The following ARVCF variants were observed in gnomAD, a reference collection of about 807,000 sequenced individuals.
The protein encoded by ARVCF is splicing regulator ARVCF.
ARVCF carries 66 observed loss-of-function variants against 90.9 expected under a neutral mutation model. The observed-to-expected ratio is 0.73, with a 90% confidence interval of 0.60 to 0.89. The LOEUF (loss-of-function observed/expected upper bound fraction) is 0.89. Among genes scored for constraint, ARVCF ranks in the 40% least tolerant of loss-of-function variants. The probability of loss-of-function intolerance (pLI) is 0.00; values close to 1 mark genes in which losing one functional copy is unlikely to be tolerated. For missense variants in ARVCF, 1,469 were observed against 1,382.3 expected, an observed-to-expected ratio of 1.06 and a Z score of -1.00; for synonymous variants, 653 against 603.4, an observed-to-expected ratio of 1.08 and a Z score of -1.21.
intron 2 of ARVCF, 76 bp from the exon 3 acceptor site, chr22:19,990,888 A>C (rs950034625): frequency 7.1e-7 from 1 of 1,409,316 alleles, no homozygotes; most frequent in African/African-American, 1.4e-5. Flanking sequence ...TGCCCGCCCC[A>C]CTCACAGACC....
chr22:19,968,268 T>C (rs2146196581), downstream of ARVCF, among the ~76,000 whole-genome samples: 1 of 152,258 alleles, frequency 6.6e-6, no homozygotes, highest in South Asian at 2.1e-4. Context: ...CACATGCTGT[T>C]CTAAGGGATG....
intron 7 of ARVCF, 35 bp downstream of exon 7, chr22:19,978,862 T>A (rs1943313917): frequency 6.3e-7 from 1 of 1,585,736 alleles, no homozygotes. Flanking sequence ...GGGCCTGGTG[T>A]GCATGTGGGC....
chr22:20,016,055 T>A (rs1016793505), intron 1 of ARVCF, among the ~76,000 whole-genome samples: 1 of 151,230 alleles, frequency 6.6e-6, no homozygotes, highest in Non-Finnish European at 1.5e-5. Flanking sequence ...AGGCCGGGGG[T>A]CCGGGTGGCG....
rs1971324983 is a variant in ARVCF at position 19,970,400 on chromosome 22, C to CA, written c.*355dup. 1 of 1,050,802 alleles carries CA rather than the reference C, an allele frequency of 9.5e-7. No homozygotes were observed. Among genetic ancestry groups the CA allele is most frequent in the African/African-American group, 1.7e-5 (1 of 58,582 alleles). 65.1% of individuals were successfully genotyped at this position (1,050,802 alleles called of 1,614,324 possible). ...CCGCACCACTGGGGCACTGTGTTCC[C>CA]AGGGGCACCCTCCTATCCCACCAGC... On this transcript the variant is annotated 3_prime_UTR_variant, in exon 20 of 20. Coordinates refer to ENST00000263207, the MANE Select transcript of ARVCF (RefSeq NM_001670.3).
chr22:20,007,441 G>A (rs1220163262), intron 2 of ARVCF, among the ~76,000 whole-genome samples: 1 of 152,192 alleles, frequency 6.6e-6, no homozygotes, highest in Non-Finnish European at 1.5e-5. Flanking sequence ...AGATGCAGCT[G>A]TAAAAACAAA....
intron 3 of ARVCF, among the ~76,000 whole-genome samples, chr22:19,987,697 C>T (rs1035523268): frequency 2.0e-5 from 3 of 152,052 alleles, no homozygotes; most frequent in African/African-American, 7.2e-5. Context: ...TCTCCAGTCT[C>T]CCAGATCCCC....
At chr22:19,997,870 G>A (rs1330926705) in intron 2 of ARVCF, among the ~76,000 whole-genome samples, 3 of 152,234 alleles carry the variant, frequency 2.0e-5, no homozygotes, top group African/African-American at 2.4e-5. Context: ...ACGGCTTACC[G>A]GGACGGGCAC....
chr22:19,977,632 G>A (rs1359763937), intron 8 of ARVCF, 46 bp from the exon 9 acceptor site: 5 of 1,485,458 alleles, frequency 3.4e-6, no homozygotes, highest in Admixed American at 4.9e-5. Flanking sequence ...CTAGGCACAG[G>A]GCTGGCCCTC....
intron 8 of ARVCF, 28 bp downstream of exon 8, chr22:19,977,930 G>T: frequency 6.3e-7 from 1 of 1,577,284 alleles, no homozygotes; most frequent in Non-Finnish European, 8.6e-7. Context: ...CCAGCCCTTG[G>T]TATGAGGCTG....
chr22:20,011,050 G>C (rs972625792), intron 1 of ARVCF, among the ~76,000 whole-genome samples: 4 of 152,266 alleles, frequency 2.6e-5, no homozygotes, highest in African/African-American at 9.6e-5. Context: ...GAAGCAGGCA[G>C]GTTCCTGGCC....
chr22:20,007,051 C>T (rs1230237703), intron 2 of ARVCF, among the ~76,000 whole-genome samples: 1 of 151,332 alleles, frequency 6.6e-6, no homozygotes, highest in Non-Finnish European at 1.5e-5. Context: ...CCCAGAAGTT[C>T]GAGACCAACC....
At chr22:19,968,661 C>T (rs546326145), downstream of ARVCF, 2 of 1,614,076 alleles carry the variant, frequency 1.2e-6, no homozygotes, top group East Asian at 4.5e-5. Context: ...ACCAATCGTT[C>T]CTGGAATACA....
chr22:20,012,430 C>G (rs1031331915), intron 1 of ARVCF, among the ~76,000 whole-genome samples: 1 of 152,192 alleles, frequency 6.6e-6, no homozygotes. Flanking sequence ...GACAGAGGGA[C>G]GACAGACAGG....
intron 7 of ARVCF, 108 bp from the exon 8 acceptor site, chr22:19,978,183 C>T: frequency 1.1e-6 from 1 of 940,156 alleles, no homozygotes; most frequent in South Asian, 1.7e-5. Flanking sequence ...CTGCTGCTGC[C>T]CTCCTAGCAC....
chr22:19,985,345 C>A (rs894594975), intron 3 of ARVCF, among the ~76,000 whole-genome samples: 2 of 152,216 alleles, frequency 1.3e-5, no homozygotes, highest in Non-Finnish European at 2.9e-5. Context: ...CAGAAACAGG[C>A]TGCTGCCCAG....
intron 3 of ARVCF, among the ~76,000 whole-genome samples, chr22:19,989,020 T>A (rs545992342): frequency 1.5e-3 from 223 of 152,318 alleles, no homozygotes; most frequent in African/African-American, 4.8e-3. Context: ...CCACACTGCC[T>A]GTCCGAGGAC....
downstream of ARVCF, chr22:19,965,624 G>A (rs1942349653): frequency 6.6e-6 from 1 of 152,368 alleles, no homozygotes; most frequent in African/African-American, 2.4e-5. Context: ...ACAGGCGTGA[G>A]CCACTGCGTC....
chr22:20,010,313 G>C (rs976644209), intron 2 of ARVCF, 142 bp downstream of exon 2: 2 of 152,324 alleles, frequency 1.3e-5, no homozygotes, highest in Non-Finnish European at 2.9e-5. Flanking sequence ...CAGGGGCTGT[G>C]CCTACCCAGG....
rs1323358253 is a variant in ARVCF at position 19,970,005 on chromosome 22, C to G, written c.*751G>C. On this transcript the variant is annotated 3_prime_UTR_variant, in exon 20 of 20. Coordinates refer to ENST00000263207, the MANE Select transcript of ARVCF (RefSeq NM_001670.3). ...TTTTCTCAGTGTTTTTCTTCTGTTT[C>G]TGAGTCACGAACAGCAGGCACTGAA... 4 of 985,504 alleles carry G rather than the reference C, an allele frequency of 4.1e-6. No homozygotes were observed. Among genetic ancestry groups the G allele is most frequent in the Non-Finnish European group, 4.8e-6 (4 of 829,936 alleles). 61.0% of individuals were successfully genotyped at this position (985,504 alleles called of 1,614,324 possible).
Sources: gnomAD v4.1 joint callset for allele counts (sites outside exome capture counted in the v4.1 genomes callset) on GRCh38, gnomAD v4.1.1 for gene constraint, MANE v1.5 for transcripts, NCBI Gene and HGNC (gene_info 2026-07-23, HGNC 2026-07-21) for gene names.